The following ELAVL2 variants were observed in gnomAD, a reference collection of about 807,000 sequenced individuals.
The protein encoded by ELAVL2 is ELAV like RNA binding protein 2.
Under a neutral mutation model 34.6 loss-of-function variants are expected in ELAVL2, and 4 were observed. That is an observed-to-expected ratio of 0.12 (90% confidence interval 0.06 to 0.26). ELAVL2 has a LOEUF of 0.26. Among genes scored for constraint, ELAVL2 ranks in the 10% least tolerant of loss-of-function variants. ELAVL2 has a pLI of 1.00. For missense variants in ELAVL2, 432 were observed against 442.8 expected (o/e 0.98, Z 0.22); for synonymous variants, 193 against 154.8 (o/e 1.25, Z -1.83).
At chr9:23,844,125 C>T in the ELAVL2 span, among the ~76,000 whole-genome samples, 3 of 151,992 alleles carry the variant, frequency 2.0e-5, no homozygotes, top group Non-Finnish European at 4.4e-5. Context: ...TTCCTGAATA[C>T]CACACTAAAG....
chr9:23,795,944 T>C (rs904498077), intron 1 of ELAVL2, among the ~76,000 whole-genome samples: 5 of 152,192 alleles, frequency 3.3e-5, no homozygotes, highest in Non-Finnish European at 2.9e-5. Flanking sequence ...GGGGGAAAAA[T>C]GCATAAGTGG....
upstream of ELAVL2, among the ~76,000 whole-genome samples, chr9:23,829,336 T>C (rs1395327066): frequency 1.3e-5 from 2 of 152,182 alleles, no homozygotes; most frequent in Non-Finnish European, 2.9e-5. Context: ...TTGTGGAAAA[T>C]GTCTTTTAGG....
At position 23,715,242 on chromosome 9, in the gene ELAVL2, G is replaced by A. The variant is rs3793572; in HGVS notation, c.334-10171C>T. On this transcript the variant is annotated intron_variant, in intron 3 of 6. Transcript: ENST00000397312. ...CAGCTCACTGCAAGCTCCACCTCCC[G>A]GGTTCACACCATTCTCCTGCCTCAG... is the stretch of plus-strand genomic sequence containing the variant. Among the ~76,000 whole-genome samples the A allele has an allele frequency of 6.6e-5, 10 of 152,234 alleles. No homozygotes were observed. In the East Asian group the frequency reaches 9.7e-4, roughly 15 times the overall value.
chr9:23,701,240 A>C, intron 5 of ELAVL2, 139 bp downstream of exon 5: 1 of 874,640 alleles, frequency 1.1e-6, no homozygotes. Flanking sequence ...GTGCCCATGG[A>C]GATGAAAAAT....
chr9:23,810,201 C>G (rs1389436364), intron 1 of ELAVL2, among the ~76,000 whole-genome samples: 2 of 151,980 alleles, frequency 1.3e-5, no homozygotes, highest in Non-Finnish European at 2.9e-5. Context: ...AATAACCAAT[C>G]CATACTTTGT....
chr9:23,827,117 A>G (rs2065342602), upstream of ELAVL2, among the ~76,000 whole-genome samples: 1 of 152,214 alleles, frequency 6.6e-6, no homozygotes, highest in South Asian at 2.1e-4. Flanking sequence ...TGATTCTCAA[A>G]AAGAGCAGCT....
At position 23,813,836 on chromosome 9, in the gene ELAVL2, A is replaced by T. The variant is rs763016815; in HGVS notation, c.-16+11970T>A. 2.6e-5 allele frequency among the ~76,000 whole-genome samples: 4 copies of T among 152,276 alleles called. No individual in the cohort carries two copies. The South Asian group carries it at 6.2e-4, about 24-fold the overall frequency. On this transcript the variant is annotated intron_variant, in intron 1 of 6. Transcript: ENST00000397312. ...CAAACATTATCTGTAAATACAAGAG[A>T]TCAAACGAATATAAAACCTTTAGAA...
At chr9:23,711,342 A>C (rs1157485951) in intron 3 of ELAVL2, among the ~76,000 whole-genome samples, 1 of 152,212 alleles carries the variant, frequency 6.6e-6, no homozygotes, top group African/African-American at 2.4e-5. Flanking sequence ...AATTGCTTTA[A>C]TTCAAGTGAG....
Position 23,730,834 on chromosome 9 carries a change from G to A in ELAVL2, c.333+188C>T, listed in dbSNP as rs1311684584. ...GCTCTGTCCCCCTTTGCGAATACAT[G>A]AATGATTATACATAGCACTCTTGAA... On this transcript the variant is annotated intron_variant, in intron 3 of 6. Coordinates refer to ENST00000397312, the MANE Select transcript of ELAVL2 (RefSeq NM_004432.5). Among the ~76,000 whole-genome samples, 5 of 152,012 alleles carry A rather than the reference G, an allele frequency of 3.3e-5. No individual in the cohort carries two copies. The East Asian group carries it at 9.7e-4, about 29-fold the overall frequency.
chr9:23,742,732 G>A (rs1038608404), intron 2 of ELAVL2, among the ~76,000 whole-genome samples: 10 of 152,096 alleles, frequency 6.6e-5, no homozygotes, highest in Non-Finnish European at 1.2e-4. Flanking sequence ...GACATCCATC[G>A]TCCCCAGTCG....
upstream of ELAVL2, among the ~76,000 whole-genome samples, chr9:23,827,952 T>A (rs965130391): frequency 6.6e-6 from 1 of 152,180 alleles, no homozygotes; most frequent in African/African-American, 2.4e-5. Context: ...TATAAAATCA[T>A]GCCTTAACCT....
At chr9:23,759,777 T>C (rs1042538554) in intron 2 of ELAVL2, among the ~76,000 whole-genome samples, 5 of 137,506 alleles carry the variant, frequency 3.6e-5, no homozygotes, top group African/African-American at 1.3e-4. Context: ...TATATATATA[T>C]ATATATATAT....
chr9:23,756,512 G>A (rs1174830370), intron 2 of ELAVL2, among the ~76,000 whole-genome samples: 1 of 152,084 alleles, frequency 6.6e-6, no homozygotes, highest in African/African-American at 2.4e-5. Flanking sequence ...AAAAATAACA[G>A]TGAAAGAACA....
intron 2 of ELAVL2, among the ~76,000 whole-genome samples, chr9:23,752,864 C>T (rs2052495988): frequency 6.6e-6 from 1 of 152,028 alleles, no homozygotes; most frequent in African/African-American, 2.4e-5. Context: ...GAATGATCAC[C>T]CCTCGATTAC....
intron 1 of ELAVL2, among the ~76,000 whole-genome samples, chr9:23,779,785 C>T (rs80328037): frequency 0.022 from 3,353 of 151,802 alleles, 119 homozygotes; most frequent in African/African-American, 0.072. Context: ...CCAGGAGAAA[C>T]TATACTTTTC....
intron 3 of ELAVL2, among the ~76,000 whole-genome samples, chr9:23,716,446 C>T (rs1307153744): frequency 6.6e-6 from 1 of 152,136 alleles, no homozygotes; most frequent in Non-Finnish European, 1.5e-5. Context: ...TTGAAAAACA[C>T]ACCCAAAGTT....
chr9:23,800,890 A>C (rs2061493146), intron 1 of ELAVL2, among the ~76,000 whole-genome samples: 1 of 152,178 alleles, frequency 6.6e-6, no homozygotes, highest in Admixed American at 6.5e-5. Context: ...CACATTAAAC[A>C]GAAGCCACAG....
the ELAVL2 span, among the ~76,000 whole-genome samples, chr9:23,842,173 A>G: frequency 3.3e-5 from 5 of 152,258 alleles, no homozygotes; most frequent in South Asian, 2.1e-4. Context: ...GAGAGGAGAG[A>G]GCCCCTTCAG....
At chr9:23,835,137 T>C in the ELAVL2 span, among the ~76,000 whole-genome samples, 1 of 152,098 alleles carries the variant, frequency 6.6e-6, no homozygotes, top group African/African-American at 2.4e-5. Flanking sequence ...TTACTTTAGT[T>C]AGGCTCAAAC....
Sources: gnomAD v4.1 joint callset for allele counts (sites outside exome capture counted in the v4.1 genomes callset) on GRCh38, gnomAD v4.1.1 for gene constraint, MANE v1.5 for transcripts, NCBI Gene and HGNC (gene_info 2026-07-23, HGNC 2026-07-21) for gene names.